The following SLC7A11 variants were observed in gnomAD, a reference collection of about 807,000 sequenced individuals.
The protein encoded by SLC7A11 is cystine/glutamate transporter.
Under a neutral mutation model 54.5 loss-of-function variants are expected in SLC7A11, and 35 were observed. That is an observed-to-expected ratio of 0.64 (90% CI 0.49 to 0.85). SLC7A11 has a LOEUF of 0.85. Ranked by LOEUF, SLC7A11 falls within the 40% of genes least tolerant of loss-of-function variation. The pLI is 0.00. For missense variants in SLC7A11, 583 were observed against 618.1 expected, an observed-to-expected ratio of 0.94 and a Z score of 0.60; for synonymous variants, 230 against 225.2, an observed-to-expected ratio of 1.02 and a Z score of -0.19.
rs1409607660 is a variant in SLC7A11 at position 138,232,371 on chromosome 4, G to A, written c.416C>T (p.Thr139Ile). ...VELLIIRPAA[T>I]AVISLAFGRY... ...TCCAAATGCCAGGGATATCACAGCA[G>A]TAGCTGCAGGGCTAAAAAAAAATGT... Residue 139 changes from threonine to isoleucine, a missense_variant, in exon 3 of 12, where the codon ACT becomes ATT. Physicochemically the swap from Thr to Ile is moderately conservative, Grantham distance 89 (BLOSUM62 -1). Transcript: ENST00000280612. 10 of 1,599,318 alleles carry A rather than the reference G, an allele frequency of 6.3e-6. No homozygotes were observed. The highest frequency in any genetic ancestry group is 8.6e-6 in the Non-Finnish European group (10 of 1,166,734).
chr4:138,218,239 T>A (rs1467609232), intron 5 of SLC7A11, among the ~76,000 whole-genome samples: 1 of 152,218 alleles, frequency 6.6e-6, no homozygotes, highest in African/African-American at 2.4e-5. Flanking sequence ...ATTATATTTG[T>A]GTTGGAAATG....
At chr4:138,183,108 T>C in intron 8 of SLC7A11, 94 bp downstream of exon 8, 2 of 836,548 alleles carry the variant, frequency 2.4e-6, no homozygotes, top group South Asian at 3.2e-5. Context: ...ACAACAGGTT[T>C]GGAGGCACTA....
rs1738049722 is a variant in SLC7A11, at chr4:138,230,490, G to A, written c.520+1777C>T. On this transcript the variant is annotated intron_variant, in intron 3 of 11. Coordinates refer to ENST00000280612, the MANE Select transcript of SLC7A11 (RefSeq NM_014331.4). Reference sequence around the variant, plus strand: ...TTTGGCTTAACTTCATCTTCCTTCAGCTATTCAAGATATTAATAGATTATC... The same window carrying A: ...TTTGGCTTAACTTCATCTTCCTTCAACTATTCAAGATATTAATAGATTATC... Among the ~76,000 whole-genome samples the A allele has an allele frequency of 4.0e-5, 6 of 151,630 alleles. No individual in the cohort carries two copies. The South Asian group carries it at 1.3e-3, about 32-fold the overall frequency.
At chr4:138,217,785 T>C (rs748906771) in intron 5 of SLC7A11, among the ~76,000 whole-genome samples, 15 of 152,236 alleles carry the variant, frequency 9.9e-5, no homozygotes, top group Admixed American at 6.5e-5. Context: ...TCCCAGTAGC[T>C]TGGCTTCAGC....
At chr4:138,185,484 T>C (rs569273028) in intron 6 of SLC7A11, among the ~76,000 whole-genome samples, 33 of 152,252 alleles carry the variant, frequency 2.2e-4, no homozygotes, top group South Asian at 2.1e-4. Context: ...CCAGAACATA[T>C]GGATTTATGT....
rs774866982 is a variant in SLC7A11, at chr4:138,172,058, A to G, written c.1445-41T>C. The G allele has an allele frequency of 4.5e-6, 7 of 1,563,400 alleles. No homozygotes were observed. In the South Asian group the frequency reaches 4.8e-5, roughly 11 times the overall value. ...AATGAATTAAAAATGCATGGAAATCAGAAATGCATTAAAAATAGCAAAATA... is the reference window on the plus strand; with the variant it reads ...AATGAATTAAAAATGCATGGAAATCGGAAATGCATTAAAAATAGCAAAATA... On this transcript the variant is annotated intron_variant, in intron 11 of 11. Transcript: ENST00000280612.
At chr4:138,211,370 A>C (rs1737544436) in intron 6 of SLC7A11, among the ~76,000 whole-genome samples, 1 of 151,964 alleles carries the variant, frequency 6.6e-6, no homozygotes, top group Admixed American at 6.6e-5. Context: ...TAACAAATAA[A>C]AAAACTTTTA....
chr4:138,221,853 G>C (rs1456186520), intron 4 of SLC7A11, among the ~76,000 whole-genome samples: 1 of 152,148 alleles, frequency 6.6e-6, no homozygotes, highest in Non-Finnish European at 1.5e-5. Context: ...TAATCTTTTG[G>C]AATCTAAACT....
chr4:138,214,584 CT>C lies in SLC7A11; in HGVS notation c.791del (p.Thr265ProfsTer19). 3 of 1,457,980 alleles carry C rather than the reference CT, an allele frequency of 2.1e-6. No individual in the cohort carries two copies. Among genetic ancestry groups the C allele is most frequent in the Non-Finnish European group, 2.8e-6 (3 of 1,072,528 alleles). 90.3% of individuals were successfully genotyped at this position (1,457,980 alleles called of 1,614,324 possible). ...FVTEEVENPE[K>X]TIPLAICISM... is the part of the protein sequence containing the mutation. ...ATTTCAGGGTACATCTGGCTACTTA[CT>C]TTTCAGGGTTTTCTACTTCTTCAGT... On this transcript the variant is annotated frameshift_variant and splice_region_variant, in exon 6 of 12. Transcript: ENST00000280612. LOFTEE classifies it high-confidence loss of function.
In SLC7A11 at chr4:138,167,141, C is replaced by CTTTTTTT. The variant is rs1035030161; in HGVS notation, c.*4808_*4814dup. 32 of 85,736 alleles carry CTTTTTTT rather than the reference C, an allele frequency of 3.7e-4. No individual in the cohort carries two copies. Among genetic ancestry groups the CTTTTTTT allele is most frequent in the East Asian group, 7.9e-4 (2 of 2,530 alleles). The allele number at this position is 85,736 out of a possible 1,614,324, so 5.3% of individuals were successfully genotyped here. Reference sequence around the variant, plus strand: ...ATACCTTTAGCTATTATTTAAAAATCTTTTTTTTTTTTTTTTTTTTTTTTT... The same window carrying CTTTTTTT: ...ATACCTTTAGCTATTATTTAAAAATCTTTTTTTTTTTTTTTTTTTTTTTTTTTTTTTT... On this transcript the variant is annotated 3_prime_UTR_variant, in exon 12 of 12. Transcript: ENST00000280612.
In SLC7A11 at chr4:138,170,258, A is replaced by ATATAAAGTGTG. The variant is rs1560713369; in HGVS notation, c.*1697_*1698insCACACTTTATA. On this transcript the variant is annotated 3_prime_UTR_variant, in exon 12 of 12. Transcript: ENST00000280612. ...AGTGTGTGTGTGTGTGTGTATATAT[A>ATATAAAGTGTG]TATATATATATATACACACACACAC... 1.0e-5 allele frequency: 1 copy of ATATAAAGTGTG among 95,338 alleles called. No individual in the cohort carries two copies. Among genetic ancestry groups the ATATAAAGTGTG allele is most frequent in the African/African-American group, 3.7e-5 (1 of 27,296 alleles). The allele number at this position is 95,338 out of a possible 1,614,324, so 5.9% of individuals were successfully genotyped here. A position where few individuals can be genotyped will look rare whatever the true frequency, so the allele number is the denominator to read the frequency against.
At chr4:138,234,565 T>G (rs1738159505) in intron 2 of SLC7A11, among the ~76,000 whole-genome samples, 1 of 150,936 alleles carries the variant, frequency 6.6e-6, no homozygotes, top group African/African-American at 2.4e-5. Flanking sequence ...GAAAAGTAGT[T>G]TTTTTTTTTA....
intron 6 of SLC7A11, among the ~76,000 whole-genome samples, chr4:138,191,422 G>A (rs1560722984): frequency 6.6e-6 from 1 of 152,082 alleles, no homozygotes. Flanking sequence ...AGACCTGTAG[G>A]GAGATGTAAG....
intron 6 of SLC7A11, among the ~76,000 whole-genome samples, chr4:138,211,345 T>C (rs2148436529): frequency 6.6e-6 from 1 of 151,920 alleles, no homozygotes; most frequent in South Asian, 2.1e-4. Flanking sequence ...CTCAGCATCA[T>C]GCAATATATC....
chr4:138,190,251 AAGG>A (rs1011632567), intron 6 of SLC7A11, among the ~76,000 whole-genome samples: 3 of 152,182 alleles, frequency 2.0e-5, no homozygotes, highest in Non-Finnish European at 4.4e-5. Flanking sequence ...GAAAAAAAGA[AAGG>A]AGGGAAAGAG....
At chr4:138,198,899 C>T (rs4285139) in intron 6 of SLC7A11, among the ~76,000 whole-genome samples, 15 of 151,666 alleles carry the variant, frequency 9.9e-5, no homozygotes, top group African/African-American at 3.1e-4. Context: ...AGGTGATATA[C>T]GAAAATATAA....
chr4:138,182,196 T>C (rs918371489), intron 9 of SLC7A11, 101 bp downstream of exon 9: 2 of 706,144 alleles, frequency 2.8e-6, no homozygotes, highest in South Asian at 1.8e-5. Flanking sequence ...ACATTAGCAA[T>C]GAATGAGAAA....
At chr4:138,235,842 C>T (rs947179213) in intron 2 of SLC7A11, among the ~76,000 whole-genome samples, 1 of 152,206 alleles carries the variant, frequency 6.6e-6, no homozygotes, top group African/African-American at 2.4e-5. Flanking sequence ...CTCTGTCATG[C>T]AAACTCTGTT....
In SLC7A11 at chr4:138,214,233, T is replaced by C. The variant is rs567921591; in HGVS notation, c.791+352A>G. ...GTTAGAAATAATTAACTTTTTGAGT[T>C]CAAGCTATCCCGTGGGTAGTTTAGA... On this transcript the variant is annotated intron_variant, in intron 6 of 11. Coordinates refer to ENST00000280612, the MANE Select transcript of SLC7A11 (RefSeq NM_014331.4). 6.6e-4 allele frequency among the ~76,000 whole-genome samples: 101 copies of C among 152,150 alleles called. 1 individual carries two copies. The South Asian group carries it at 9.3e-3, about 14-fold the overall frequency.
Sources: allele counts gnomAD v4.1 joint callset (sites outside exome capture counted in the v4.1 genomes callset), GRCh38; gene constraint gnomAD v4.1.1; transcripts MANE v1.5; gene names NCBI Gene and HGNC (gene_info 2026-07-23, HGNC 2026-07-21).